LSM12: variants seen among roughly 807,000 people sequenced by gnomAD.
LSM12 encodes LSM12 homolog, also known as protein LSM12.
For synonymous variants in LSM12, 74 were observed against 87.3 expected, an observed-to-expected ratio of 0.85 and a Z score of 0.85; for missense variants, 108 against 238.9, an observed-to-expected ratio of 0.45 and a Z score of 3.61.
intron 2 of LSM12, among the ~76,000 whole-genome samples, chr17:44,049,464 G>C (rs2049614356): frequency 6.6e-6 from 1 of 152,164 alleles, no homozygotes; most frequent in African/African-American, 2.4e-5. Context: ...TTTTTGTAGA[G>C]ATGGGGTCTT....
chr17:44,067,159 G>A (rs969266260), upstream of LSM12, among the ~76,000 whole-genome samples: 1 of 152,186 alleles, frequency 6.6e-6, no homozygotes, highest in African/African-American at 2.4e-5. Context: ...AATTAGCCGG[G>A]TACGGTGGCG....
chr17:44,061,477 C>G (rs1300821749), intron 2 of LSM12, among the ~76,000 whole-genome samples: 1 of 152,174 alleles, frequency 6.6e-6, no homozygotes, highest in Non-Finnish European at 1.5e-5. Context: ...TGGGACATCC[C>G]ATACAAGACA....
intron 2 of LSM12, among the ~76,000 whole-genome samples, chr17:44,044,062 TGTC>T (rs2049530029): frequency 6.6e-6 from 1 of 152,110 alleles, no homozygotes; most frequent in South Asian, 2.1e-4. Flanking sequence ...AAGAGTAAAA[TGTC>T]GTTGTCACCT....
chr17:44,042,265 C>T (rs890819090), intron 2 of LSM12, among the ~76,000 whole-genome samples: 1 of 151,244 alleles, frequency 6.6e-6, no homozygotes, highest in Non-Finnish European at 1.5e-5. Flanking sequence ...CCAGCCTGGG[C>T]GACAGAGCAA....
At chr17:44,065,735 T>C (rs574064655) in intron 1 of LSM12, among the ~76,000 whole-genome samples, 20 of 152,196 alleles carry the variant, frequency 1.3e-4, no homozygotes, top group African/African-American at 4.8e-4. Context: ...CTTCACTCTT[T>C]CACCTGTAAC....
In LSM12 at chr17:44,066,632, G is replaced by C; in HGVS notation, c.-45C>G. On this transcript the variant is annotated 5_prime_UTR_variant, in exon 1 of 5. Transcript: ENST00000293406. ...CCGGCGGCGGCGGCGGCAGCAGCGG[G>C]CGAAAGCCGGGCCCCCAGTGAGCGC... 2 of 1,306,476 alleles carry C rather than the reference G, an allele frequency of 1.5e-6. No individual in the cohort carries two copies. Among genetic ancestry groups the C allele is most frequent in the South Asian group, 2.4e-5 (1 of 42,322 alleles). 80.9% of individuals were successfully genotyped at this position (1,306,476 alleles called of 1,614,324 possible).
chr17:44,036,214 T>C lies in LSM12; in HGVS notation c.582A>G (p.Ser194=). Residue 194 remains serine (S), a synonymous_variant, in exon 5 of 5, where the codon TCA becomes TCG. Transcript: ENST00000293406. The part of the protein sequence containing the change: ...AQQPQKEAAL[S]S The stretch of plus-strand genomic sequence containing the variant: ...GTCCTCCATGTGTACGGACTCAGGA[T>C]GACAGGGCAGCCTCCTTCTGTGGTT... 34 of 1,612,606 alleles carry C rather than the reference T, an allele frequency of 2.1e-5. No homozygotes were observed. Among genetic ancestry groups the C allele is most frequent in the Non-Finnish European group, 2.9e-5 (34 of 1,179,706 alleles).
At chr17:44,067,346 T>C (rs1266248872), upstream of LSM12, 1 of 152,188 alleles carries the variant, frequency 6.6e-6, no homozygotes, top group Non-Finnish European at 1.5e-5. Context: ...TACTGAGTGA[T>C]AGTGGAAAGA....
In LSM12 at chr17:44,040,227, C is replaced by T; in HGVS notation, c.288G>A (p.Glu96=). ...KLASKARTEK[E]EKLSQAYAIS... The stretch of plus-strand genomic sequence containing the variant: ...TTGCATAGGCCTGGCTCAGCTTCTC[C>T]TCCTTCTCTGTCCGTGCTTTGCTGG... The change falls in exon 3 of 5, where the codon GAG becomes GAA. Residue 96 remains glutamate, a synonymous_variant. Coordinates refer to ENST00000293406, the MANE Select transcript of LSM12 (RefSeq NM_001371445.1). 1 of 1,614,028 alleles carries T rather than the reference C, an allele frequency of 6.2e-7. No homozygotes were observed. The highest frequency in any genetic ancestry group is 1.1e-5 in the South Asian group (1 of 91,088).
chr17:44,041,279 AAAAAAAAACAAACAC>A (rs779468878), intron 2 of LSM12, among the ~76,000 whole-genome samples: 4 of 127,778 alleles, frequency 3.1e-5, no homozygotes, highest in East Asian at 2.4e-4. Context: ...TCTTTAAAAA[AAAAAAAAACAAACAC>A]ACACACACAC....
At chr17:44,045,961 G>C (rs1286315880) in intron 2 of LSM12, among the ~76,000 whole-genome samples, 1 of 145,750 alleles carries the variant, frequency 6.9e-6, no homozygotes, top group Non-Finnish European at 1.5e-5. Flanking sequence ...TTTTGAGACG[G>C]AGTCTCGCTC....
At chr17:44,045,305 C>T (rs1040721322) in intron 2 of LSM12, among the ~76,000 whole-genome samples, 9 of 152,088 alleles carry the variant, frequency 5.9e-5, no homozygotes, top group Admixed American at 5.9e-4. Flanking sequence ...GGATTACAAG[C>T]GTAAGCCACC....
intron 3 of LSM12, among the ~76,000 whole-genome samples, chr17:44,037,893 C>T (rs564669067): frequency 1.1e-4 from 17 of 152,308 alleles, no homozygotes; most frequent in African/African-American, 3.6e-4. Context: ...TTGTAACAAA[C>T]ATTTTAGGCT....
intron 1 of LSM12, 71 bp from the exon 2 acceptor site, chr17:44,064,005 A>C: frequency 6.5e-7 from 1 of 1,540,508 alleles, no homozygotes; most frequent in African/African-American, 1.4e-5. Context: ...AAAGGGGCAT[A>C]GAAAACACGA....
At chr17:44,054,810 C>T (rs2049689899) in intron 2 of LSM12, among the ~76,000 whole-genome samples, 1 of 151,762 alleles carries the variant, frequency 6.6e-6, no homozygotes. Flanking sequence ...TCACCAGGGA[C>T]TGCGGCCTTG....
In LSM12 at chr17:44,042,024, C is replaced by T. The variant is rs143878529; in HGVS notation, c.259-1768G>A. Among the ~76,000 whole-genome samples the T allele has an allele frequency of 3.4e-3, 521 of 152,296 alleles. 7 individuals are homozygous for T. The East Asian group carries it at 0.068, about 20-fold the overall frequency. The stretch of plus-strand genomic sequence containing the variant: ...GGCACTGGCTGGGCCCAGTGGCTCA[C>T]GCCTATAATCCCAGTACTTTGTGAG... On this transcript the variant is annotated intron_variant, in intron 2 of 4. Transcript: ENST00000293406.
At chr17:44,046,230 CAGCCAACGTTTTACTTTTTAAA>C (rs1450114245) in intron 2 of LSM12, among the ~76,000 whole-genome samples, 1 of 151,894 alleles carries the variant, frequency 6.6e-6, no homozygotes, top group African/African-American at 2.4e-5. Context: ...TCACCATGCC[CAGCCAACGTTTTACTTTTTAAA>C]AGTAAAAAGA....
chr17:44,050,393 C>T (rs1003850248), intron 2 of LSM12, among the ~76,000 whole-genome samples: 47 of 151,444 alleles, frequency 3.1e-4, no homozygotes, highest in African/African-American at 8.7e-4. Context: ...TACAGGCATG[C>T]GCCACCGCAC....
At chr17:44,052,200 C>A (rs2049653793) in intron 2 of LSM12, among the ~76,000 whole-genome samples, 1 of 150,174 alleles carries the variant, frequency 6.7e-6, no homozygotes, top group East Asian at 2.0e-4. Flanking sequence ...CATGTCACTG[C>A]ATCCCAGTCT....
Sources: allele counts gnomAD v4.1 joint callset (sites outside exome capture counted in the v4.1 genomes callset), GRCh38; gene constraint gnomAD v4.1.1; transcripts MANE v1.5; gene names NCBI Gene and HGNC (gene_info 2026-07-23, HGNC 2026-07-21).